The following RYR2 variants were observed in gnomAD, a reference collection of about 807,000 sequenced individuals.
RYR2 encodes the protein cardiac muscle ryanodine receptor-calcium release channel.
In RYR2, 227 loss-of-function variants were observed where a neutral mutation model predicts 601.1. The observed-to-expected ratio is 0.38, with a 90% CI of 0.34 to 0.42. The LOEUF is 0.42. Ranked by LOEUF, RYR2 falls within the 10% of genes least tolerant of loss-of-function variation. The probability of loss-of-function intolerance (pLI) is 1.00; values close to 1 mark genes in which losing one functional copy is unlikely to be tolerated. For missense variants in RYR2, 4,646 were observed against 6,156.5 expected (o/e 0.75, Z 8.21); for synonymous variants, 2,223 against 2,175.1 (o/e 1.02, Z -0.61).
intron 92 of RYR2, among the ~76,000 whole-genome samples, chr1:237,790,765 G>A (rs1658287665): frequency 6.6e-6 from 1 of 152,090 alleles, no homozygotes; most frequent in Non-Finnish European, 1.5e-5. Flanking sequence ...CCCACACTAG[G>A]AAATGGAGGG....
chr1:237,278,698 A>T (rs556550655), intron 2 of RYR2, among the ~76,000 whole-genome samples: 1 of 152,260 alleles, frequency 6.6e-6, no homozygotes, highest in Non-Finnish European at 1.5e-5. Flanking sequence ...TATGAATTTG[A>T]TTCTCGTGTG....
chr1:237,213,915 C>CTTTTTTTTTTTT (rs71180008), intron 1 of RYR2, among the ~76,000 whole-genome samples: 3 of 65,496 alleles, frequency 4.6e-5, no homozygotes, highest in Non-Finnish European at 8.7e-5. Flanking sequence ...TTTTCTTTTT[C>CTTTTTTTTTTTT]TTTTTTTTTT....
chr1:237,428,121 G>A (rs1366035671), intron 12 of RYR2, among the ~76,000 whole-genome samples: 1 of 152,166 alleles, frequency 6.6e-6, no homozygotes, highest in Non-Finnish European at 1.5e-5. Flanking sequence ...GTGAGGCTGT[G>A]GAGAAACAGG....
At chr1:237,155,052 C>T (rs574811318) in intron 1 of RYR2, among the ~76,000 whole-genome samples, 39 of 152,240 alleles carry the variant, frequency 2.6e-4, no homozygotes, top group Non-Finnish European at 4.7e-4. Context: ...TTGGGGCTTT[C>T]TTTGGTGACT....
intron 1 of RYR2, among the ~76,000 whole-genome samples, chr1:237,156,667 A>G (rs1675369621): frequency 6.6e-6 from 1 of 152,190 alleles, no homozygotes; most frequent in Non-Finnish European, 1.5e-5. Flanking sequence ...GTAAATATGT[A>G]TTGAATGAAA....
At chr1:237,440,083 C>G (rs1314635196) in intron 12 of RYR2, among the ~76,000 whole-genome samples, 1 of 152,082 alleles carries the variant, frequency 6.6e-6, no homozygotes, top group South Asian at 2.1e-4. Flanking sequence ...TCTTAGTTGA[C>G]CTTGACATTT....
chr1:237,053,039 G>T (rs1661481871), intron 1 of RYR2, among the ~76,000 whole-genome samples: 1 of 152,150 alleles, frequency 6.6e-6, no homozygotes, highest in Middle Eastern at 3.4e-3. Flanking sequence ...AGTAGAGATG[G>T]GGTTTCACCA....
At chr1:237,499,356 T>C (rs1664398960) in intron 20 of RYR2, among the ~76,000 whole-genome samples, 1 of 152,182 alleles carries the variant, frequency 6.6e-6, no homozygotes, top group Non-Finnish European at 1.5e-5. Flanking sequence ...ATCTTGGTGC[T>C]TTGAGAGAAT....
chr1:237,122,662 A>G (rs1670931323), intron 1 of RYR2, among the ~76,000 whole-genome samples: 1 of 150,288 alleles, frequency 6.7e-6, no homozygotes, highest in South Asian at 2.1e-4. Flanking sequence ...AGCCTGGGCA[A>G]CAGAGCAAGA....
chr1:237,703,623 T>G (rs1249973352), intron 66 of RYR2, among the ~76,000 whole-genome samples: 2 of 148,170 alleles, frequency 1.3e-5, no homozygotes, highest in Non-Finnish European at 3.0e-5. Flanking sequence ...ATATATAAAA[T>G]ATATAAAAAT....
At chr1:237,715,089 A>C (rs1689165057) in intron 71 of RYR2, among the ~76,000 whole-genome samples, 1 of 151,628 alleles carries the variant, frequency 6.6e-6, no homozygotes, top group African/African-American at 2.4e-5. Flanking sequence ...ATATGCCCAC[A>C]TATGGGCCAT....
At chr1:237,794,430 C>G (rs1658846429) in intron 95 of RYR2, among the ~76,000 whole-genome samples, 1 of 152,184 alleles carries the variant, frequency 6.6e-6, no homozygotes, top group African/African-American at 2.4e-5. Flanking sequence ...TCAGTACCAT[C>G]AAGCACCCTA....
At chr1:237,549,480 G>A (rs1007177815) in intron 26 of RYR2, among the ~76,000 whole-genome samples, 1 of 151,956 alleles carries the variant, frequency 6.6e-6, no homozygotes, top group Non-Finnish European at 1.5e-5. Context: ...GGGCTGAGGT[G>A]GGAGGATCAC....
chr1:237,374,676 A>G lies in RYR2; in HGVS notation c.385-41A>G, dbSNP rs748731162. The G allele has an allele frequency of 3.3e-6, 5 of 1,535,482 alleles. No homozygotes were observed. The South Asian group carries it at 4.6e-5, about 14-fold the overall frequency. On this transcript the variant is annotated intron_variant, in intron 6 of 104. Coordinates refer to ENST00000366574, the MANE Select transcript of RYR2 (RefSeq NM_001035.3). The stretch of plus-strand genomic sequence containing the variant: ...TGTCTCAAACACAAACAACAGACGA[A>G]CAAAACCTCTACTTACAACTACTGA...
intron 70 of RYR2, among the ~76,000 whole-genome samples, chr1:237,711,057 CATT>C (rs1688797402): frequency 6.6e-6 from 1 of 152,102 alleles, no homozygotes; most frequent in Non-Finnish European, 1.5e-5. Flanking sequence ...TTTCCTCGAT[CATT>C]AAAATGCCGA....
At chr1:237,737,874 A>C (rs1020594382) in intron 79 of RYR2, among the ~76,000 whole-genome samples, 1 of 152,222 alleles carries the variant, frequency 6.6e-6, no homozygotes, top group Non-Finnish European at 1.5e-5. Flanking sequence ...GATTGCTTAA[A>C]CTCGAATTCT....
intron 24 of RYR2, among the ~76,000 whole-genome samples, chr1:237,515,653 TCCC>T (rs1572678515): frequency 2.3e-5 from 2 of 87,984 alleles, no homozygotes; most frequent in African/African-American, 4.3e-5. Flanking sequence ...ACCCCTTCCC[TCCC>T]CTTCCCCTCC....
At chr1:237,371,614 G>A (rs961812387) in intron 6 of RYR2, among the ~76,000 whole-genome samples, 7 of 152,188 alleles carry the variant, frequency 4.6e-5, no homozygotes, top group Admixed American at 1.3e-4. Flanking sequence ...GATGATTCCT[G>A]TATTATGTAA....
chr1:237,716,842 A>G (rs1442604617), intron 71 of RYR2, among the ~76,000 whole-genome samples: 12 of 152,122 alleles, frequency 7.9e-5, no homozygotes, highest in Non-Finnish European at 1.5e-5. Flanking sequence ...TAAGCCCTTT[A>G]TTCTTATATT....
Sources: gnomAD v4.1 joint callset for allele counts (sites outside exome capture counted in the v4.1 genomes callset) on GRCh38, gnomAD v4.1.1 for gene constraint, MANE v1.5 for transcripts, NCBI Gene and HGNC (gene_info 2026-07-23, HGNC 2026-07-21) for gene names.